Variants in SLC35F4 observed in about 807,000 individuals in gnomAD.
SLC35F4 encodes the protein solute carrier family 35 member F4, also known as chromosome 14 open reading frame 36.
Under a neutral mutation model 44.2 loss-of-function variants are expected in SLC35F4, and 24 were observed. That is an observed-to-expected ratio of 0.54 (90% CI 0.39 to 0.76). The LOEUF (loss-of-function observed/expected upper bound fraction) is 0.76. Among genes scored for constraint, SLC35F4 ranks in the 30% least tolerant of loss-of-function variants. The pLI is 0.00. For missense variants in SLC35F4, 562 were observed against 586.1 expected, an observed-to-expected ratio of 0.96 and a Z score of 0.42; for synonymous variants, 238 against 223.6, an observed-to-expected ratio of 1.06 and a Z score of -0.57.
At chr14:57,919,072 A>G (rs551790374) in intron 1 of SLC35F4, among the ~76,000 whole-genome samples, 3 of 152,320 alleles carry the variant, frequency 2.0e-5, no homozygotes, top group South Asian at 4.1e-4. Context: ...AGTAGAACTG[A>G]TATGTTCCAT....
At chr14:57,826,893 CTT>C (rs949351409) in intron 1 of SLC35F4, among the ~76,000 whole-genome samples, 25 of 152,140 alleles carry the variant, frequency 1.6e-4, no homozygotes, top group Non-Finnish European at 2.6e-4. Context: ...AATAAGAACT[CTT>C]TTACACTATT....
At chr14:57,600,629 T>G (rs2139976270) in intron 1 of SLC35F4, among the ~76,000 whole-genome samples, 1 of 123,828 alleles carries the variant, frequency 8.1e-6, no homozygotes, top group East Asian at 2.2e-4. Flanking sequence ...GAGGCGGAGC[T>G]TGCAGTGAGC....
At chr14:57,761,504 G>C (rs1263353140) in intron 1 of SLC35F4, among the ~76,000 whole-genome samples, 2 of 152,162 alleles carry the variant, frequency 1.3e-5, no homozygotes, top group African/African-American at 2.4e-5. Flanking sequence ...TAAGTTTTAG[G>C]AAGAGTAAGT....
rs536635530 is a variant in SLC35F4 at position 57,936,637 on chromosome 14, C to A, written n.282+45276G>T. 2.6e-5 allele frequency among the ~76,000 whole-genome samples: 4 copies of A among 152,312 alleles called. No individual in the cohort carries two copies. In the East Asian group the frequency reaches 7.7e-4, roughly 29 times the overall value. Reference sequence around the variant, plus strand: ...GTAGGCTGCTAAACATCCTACAATGCAAAGGACAATCCCCTACAATAAAGA... The same window carrying A: ...GTAGGCTGCTAAACATCCTACAATGAAAAGGACAATCCCCTACAATAAAGA... On this transcript the variant is annotated intron_variant and non_coding_transcript_variant, in intron 1 of 1. Coordinates refer to the SLC35F4 transcript ENST00000556568.
chr14:57,658,228 G>C (rs1032165331), intron 1 of SLC35F4, among the ~76,000 whole-genome samples: 2 of 152,096 alleles, frequency 1.3e-5, no homozygotes, highest in Non-Finnish European at 2.9e-5. Context: ...TCTATAAACA[G>C]AACATTGATA....
At chr14:57,951,575 C>A (rs1890140147) in intron 1 of SLC35F4, among the ~76,000 whole-genome samples, 1 of 152,170 alleles carries the variant, frequency 6.6e-6, no homozygotes, top group South Asian at 2.1e-4. Flanking sequence ...TGGAGTCGAC[C>A]TGGTACATTT....
At chr14:57,623,836 C>T (rs1044017170) in intron 1 of SLC35F4, among the ~76,000 whole-genome samples, 26 of 152,030 alleles carry the variant, frequency 1.7e-4, no homozygotes, top group East Asian at 1.3e-3. Flanking sequence ...TAAATGCCCA[C>T]GAGAGAAAGC....
chr14:57,884,269 GGC>G (rs1888600274), intron 1 of SLC35F4, among the ~76,000 whole-genome samples: 1 of 152,072 alleles, frequency 6.6e-6, no homozygotes, highest in Non-Finnish European at 1.5e-5. Context: ...AACAGATTTT[GGC>G]TTTTCGTCAT....
Position 57,594,073 on chromosome 14 carries a change from C to G in SLC35F4, c.155G>C (p.Ser52Thr). The stretch of plus-strand genomic sequence containing the variant: ...TTGTCTACTGATGCCACTGTGTGAA[C>G]TGGGGCAGTTGGCTCCTGGTTTACA... Reference protein sequence around the residue: ...TRCKPGANCPSSHSGISRQLS... With the variant: ...TRCKPGANCPTSHSGISRQLS... The change falls in exon 2 of 8, where the codon AGT (serine) becomes ACT (threonine). Residue 52 changes from serine (S) to threonine (T), a missense_variant. By Grantham distance (58) the Ser-to-Thr change is moderately conservative. Coordinates refer to ENST00000556826, the MANE Select transcript of SLC35F4 (RefSeq NM_001306087.2). 3 of 1,613,888 alleles carry G rather than the reference C, an allele frequency of 1.9e-6. No individual in the cohort carries two copies. Among genetic ancestry groups the G allele is most frequent in the Non-Finnish European group, 1.7e-6 (2 of 1,179,852 alleles).
At chr14:57,685,225 T>C (rs548546563) in intron 1 of SLC35F4, among the ~76,000 whole-genome samples, 13 of 152,314 alleles carry the variant, frequency 8.5e-5, no homozygotes, top group Admixed American at 8.5e-4. Flanking sequence ...CTCCCACTTC[T>C]GGTGGCATCA....
At chr14:57,777,126 C>T (rs761011310) in intron 1 of SLC35F4, among the ~76,000 whole-genome samples, 1 of 152,180 alleles carries the variant, frequency 6.6e-6, no homozygotes, top group Non-Finnish European at 1.5e-5. Context: ...GGGCAAAATG[C>T]TCCGAGTAAA....
intron 1 of SLC35F4, among the ~76,000 whole-genome samples, chr14:57,919,070 T>C (rs1040951311): frequency 5.3e-5 from 8 of 152,318 alleles, no homozygotes; most frequent in African/African-American, 1.9e-4. Flanking sequence ...TTAGTAGAAC[T>C]GATATGTTCC....
chr14:57,798,567 A>G (rs1595090000), intron 1 of SLC35F4, among the ~76,000 whole-genome samples: 1 of 152,316 alleles, frequency 6.6e-6, no homozygotes, highest in East Asian at 1.9e-4. Context: ...ATATTATCTG[A>G]GCCAGGGAAT....
rs937078007 is a variant in SLC35F4, at chr14:57,922,174, A to G, written n.282+59739T>C. ...CACAGGGAGCTATAGGATGTTCAAA[A>G]TTTTTTTAATTTTGTTTTCTGGGTC... On this transcript the variant is annotated intron_variant and non_coding_transcript_variant, in intron 1 of 1. Transcript: ENST00000556568. Among the ~76,000 whole-genome samples, 3 of 152,110 alleles carry G rather than the reference A, an allele frequency of 2.0e-5. No individual in the cohort carries two copies. The East Asian group carries it at 5.8e-4, about 29-fold the overall frequency.
chr14:57,632,545 C>T (rs374148509), intron 1 of SLC35F4, among the ~76,000 whole-genome samples: 1 of 151,986 alleles, frequency 6.6e-6, no homozygotes, highest in East Asian at 1.9e-4. Context: ...CAGATATTTC[C>T]CATATAATTC....
intron 1 of SLC35F4, among the ~76,000 whole-genome samples, chr14:57,728,745 G>T (rs112100718): frequency 0.11 from 17,360 of 151,980 alleles, 2,364 homozygotes; most frequent in African/African-American, 0.33. Context: ...TTACACGCAT[G>T]AGCCACCACA....
At chr14:57,771,824 G>A (rs1950995) in intron 1 of SLC35F4, among the ~76,000 whole-genome samples, 18,041 of 152,104 alleles carry the variant, frequency 0.12, 2,811 homozygotes, top group African/African-American at 0.36. Context: ...GAACGCCTGC[G>A]CTCAAGCACT....
intron 1 of SLC35F4, among the ~76,000 whole-genome samples, chr14:57,962,788 T>TCCTCCCTGCTCTC (rs1436648346): frequency 6.6e-6 from 1 of 152,140 alleles, no homozygotes; most frequent in Non-Finnish European, 1.5e-5. Context: ...CTGGCCATGC[T>TCCTCCCTGCTCTC]CCTCCCTGCT....
intron 1 of SLC35F4, among the ~76,000 whole-genome samples, chr14:57,690,303 C>A (rs542339423): frequency 6.6e-6 from 1 of 152,282 alleles, no homozygotes; most frequent in African/African-American, 2.4e-5. Flanking sequence ...GTTCTCATGG[C>A]ACTATTATAG....
Sources: allele counts gnomAD v4.1 joint callset (sites outside exome capture counted in the v4.1 genomes callset), GRCh38; gene constraint gnomAD v4.1.1; transcripts MANE v1.5; gene names NCBI Gene and HGNC (gene_info 2026-07-23, HGNC 2026-07-21).